CDHR2: variants seen among roughly 807,000 people sequenced by gnomAD.
CDHR2 encodes cadherin related family member 2.
A neutral mutation model predicts 138.6 loss-of-function variants in CDHR2; 104 were observed. That is an observed-to-expected ratio of 0.75 (90% CI 0.64 to 0.88). The LOEUF (loss-of-function observed/expected upper bound fraction) is 0.88. CDHR2 is among the 40% of genes least tolerant of loss of function. The pLI is 0.00. For missense variants in CDHR2, 1,624 were observed against 1,727.6 expected, an observed-to-expected ratio of 0.94 and a Z score of 1.06; for synonymous variants, 755 against 742.8, an observed-to-expected ratio of 1.02 and a Z score of -0.27.
At chr5:176,588,507 G>C (rs1758736256) in intron 21 of CDHR2, among the ~76,000 whole-genome samples, 1 of 132,982 alleles carries the variant, frequency 7.5e-6, no homozygotes, top group Non-Finnish European at 1.6e-5. Context: ...GGGTGTGTAT[G>C]AGTGTGTGCA....
In CDHR2 at chr5:176,589,635, G is replaced by T. The variant is rs189614387; in HGVS notation, c.3206+19G>T. 6.2e-6 allele frequency: 10 copies of T among 1,610,414 alleles called. No individual in the cohort carries two copies. The African/African-American group carries it at 6.7e-5, about 11-fold the overall frequency. ...TTAATGCGTAGGTCTGGGGAGCCCC[G>T]GAGGGAGGGGTAGGAAGAACAGGGT... On this transcript the variant is annotated intron_variant, in intron 24 of 31. Coordinates refer to ENST00000261944, the MANE Select transcript of CDHR2 (RefSeq NM_017675.6).
In CDHR2 at chr5:176,581,391, A is replaced by C; in HGVS notation, c.1867A>C (p.Asn623His). Residue 623 changes from asparagine to histidine, a missense_variant, in exon 17 of 32, where the codon AAC becomes CAC. This residue lies in a region of CDHR2 where 1,061 missense variants were observed against 1,136.6 expected (regional missense o/e 0.93). Transcript: ENST00000261944. ...CACCAACAACAGCCGTCTGCTCTTC[A>C]ACCTGCTGCCTGGCCCCTACAGCCA... ...PGTNNSRLLFNLLPGPYSHNF... is the reference protein window; with the variant it reads ...PGTNNSRLLFHLLPGPYSHNF... 6.2e-7 allele frequency: 1 copy of C among 1,614,034 alleles called. No homozygotes were observed. Among genetic ancestry groups the C allele is most frequent in the Non-Finnish European group, 8.5e-7 (1 of 1,180,004 alleles).
In CDHR2 at chr5:176,590,675, G is replaced by A; in HGVS notation, c.3527G>A (p.Cys1176Tyr). Residue 1176 changes from cysteine (C) to tyrosine (Y), a missense_variant, in exon 28 of 32, where the codon TGT becomes TAT. Coordinates refer to ENST00000261944, the MANE Select transcript of CDHR2 (RefSeq NM_017675.6). ...VLVIMTMAFVCVRKSYNRKLQ... is the reference protein window; with the variant it reads ...VLVIMTMAFVYVRKSYNRKLQ... ...GTGATCATGACCATGGCCTTCGTGT[G>A]TGTGCGGAAGAGGTGCGGCTCCCAT... 6.2e-7 allele frequency: 1 copy of A among 1,613,414 alleles called. No homozygotes were observed. The highest frequency in any genetic ancestry group is 1.1e-5 in the South Asian group (1 of 91,044).
intron 1 of CDHR2, among the ~76,000 whole-genome samples, chr5:176,556,347 T>G (rs902021711): frequency 6.6e-6 from 1 of 151,888 alleles, no homozygotes; most frequent in Non-Finnish European, 1.5e-5. Context: ...CCAGAATGGG[T>G]GACAGAGCAA....
intron 17 of CDHR2, among the ~76,000 whole-genome samples, chr5:176,582,141 C>T (rs985674502): frequency 1.3e-5 from 2 of 152,188 alleles, no homozygotes; most frequent in Non-Finnish European, 2.9e-5. Flanking sequence ...CTGCCTCAGC[C>T]TCCTGAGTAG....
intron 6 of CDHR2, 24 bp from the exon 7 acceptor site, chr5:176,574,059 T>C (rs746006900): frequency 3.4e-5 from 54 of 1,590,318 alleles, no homozygotes; most frequent in Admixed American, 1.7e-4. Flanking sequence ...TTTGAGCTCA[T>C]AGGTGACGAG....
At position 176,590,235 on chromosome 5, in the gene CDHR2, A is replaced by G; in HGVS notation, c.3276-18A>G. The G allele has an allele frequency of 6.2e-7, 1 of 1,614,028 alleles. No individual in the cohort carries two copies. The highest frequency in any genetic ancestry group is 1.7e-5 in the Admixed American group (1 of 60,010). ...GGGTGATCCAGGCTCCTGACTCTTC[A>G]ACTCTGTCCCGCTCCAGGGCCCGAC... On this transcript the variant is annotated intron_variant, in intron 25 of 31. Coordinates refer to ENST00000261944, the MANE Select transcript of CDHR2 (RefSeq NM_017675.6).
chr5:176,578,302 TG>T (rs1758447738), intron 15 of CDHR2, 62 bp from the exon 16 acceptor site: 1 of 1,490,228 alleles, frequency 6.7e-7, no homozygotes, highest in Admixed American at 1.9e-5. Flanking sequence ...GTTGTATATC[TG>T]AAATTCACAC....
rs368524959 is a variant in CDHR2 at position 176,557,179 on chromosome 5, C to T, written c.-16+7765C>T. Among the ~76,000 whole-genome samples, 11 of 110,398 alleles carry T rather than the reference C, an allele frequency of 1.0e-4. No individual in the cohort carries two copies. In the East Asian group the frequency reaches 2.2e-3, roughly 23 times the overall value. 72.4% of individuals were successfully genotyped at this position (110,398 alleles called of 152,430 possible). On this transcript the variant is annotated intron_variant, in intron 1 of 31. Transcript: ENST00000261944. ...CACAGGCATGCACCATGGCGCCTGG[C>T]CTGTTATTTAATAATATTTTGTTGT...
intron 12 of CDHR2, among the ~76,000 whole-genome samples, chr5:176,577,196 G>A (rs1291146480): frequency 2.6e-5 from 4 of 152,130 alleles, no homozygotes; most frequent in Admixed American, 1.3e-4. Context: ...CAGTGCCTAG[G>A]GAGCTGTCTT....
intron 19 of CDHR2, among the ~76,000 whole-genome samples, chr5:176,585,551 T>C (rs1449971348): frequency 6.6e-6 from 1 of 152,172 alleles, no homozygotes; most frequent in African/African-American, 2.4e-5. Context: ...CCAGCTTATA[T>C]AGTTAGAATG....
chr5:176,585,991 T>C lies in CDHR2; in HGVS notation c.2772T>C (p.Asn924=). The change falls in exon 20 of 32, where the codon AAT becomes AAC. Residue 924 remains asparagine, a synonymous_variant. Coordinates refer to ENST00000261944, the MANE Select transcript of CDHR2 (RefSeq NM_017675.6). ...TTACCATTGAGGACGTGAATGACAA[T>C]GCACCCTATTTTCTGCCTGAGAATA... ...LLITIEDVND[N]APYFLPENKT... 7 of 1,614,032 alleles carry C rather than the reference T, an allele frequency of 4.3e-6. No homozygotes were observed. The highest frequency in any genetic ancestry group is 4.5e-5 in the East Asian group (2 of 44,878).
chr5:176,582,127 C>A (rs1758547265), intron 17 of CDHR2, among the ~76,000 whole-genome samples: 1 of 152,186 alleles, frequency 6.6e-6, no homozygotes, highest in East Asian at 1.9e-4. Context: ...CTCAAGCGAT[C>A]CTCCTGCCTC....
chr5:176,574,088 G>A lies in CDHR2; in HGVS notation c.411G>A (p.Leu137=). 6.2e-7 allele frequency: 1 copy of A among 1,613,726 alleles called. No homozygotes were observed. The highest frequency in any genetic ancestry group is 1.1e-5 in the South Asian group (1 of 91,014). Residue 137 remains leucine, a synonymous_variant, in exon 7 of 32, where the codon CTG becomes CTA. Coordinates refer to ENST00000261944, the MANE Select transcript of CDHR2 (RefSeq NM_017675.6). ...TAFSTSINET[L]PVGSVVFSVL... ...TGACGAGTCCCTCCCTGCAGACCCTGCCCGTGGGCAGTGTGGTGTTCTCCG... is the reference window on the plus strand; with the variant it reads ...TGACGAGTCCCTCCCTGCAGACCCTACCCGTGGGCAGTGTGGTGTTCTCCG...
At chr5:176,549,790 G>A (rs1757664404) in intron 1 of CDHR2, among the ~76,000 whole-genome samples, 1 of 152,198 alleles carries the variant, frequency 6.6e-6, no homozygotes, top group Admixed American at 6.5e-5. Flanking sequence ...TCTTACCCCA[G>A]CTGCTCGGTT....
chr5:176,565,654 C>G lies in CDHR2; in HGVS notation c.53-18C>G. 6.2e-7 allele frequency: 1 copy of G among 1,608,568 alleles called. No homozygotes were observed. The stretch of plus-strand genomic sequence containing the variant: ...TTGCAGGGGTGTCCCGATGTTCCAG[C>G]ACACTGTGTCCCTACAGTGGCAGCC... On this transcript the variant is annotated intron_variant, in intron 2 of 31. Coordinates refer to ENST00000261944, the MANE Select transcript of CDHR2 (RefSeq NM_017675.6).
chr5:176,588,012 G>T (rs77371324), intron 21 of CDHR2, among the ~76,000 whole-genome samples: 3 of 152,102 alleles, frequency 2.0e-5, no homozygotes, highest in Non-Finnish European at 2.9e-5. Flanking sequence ...TAACAGTAAC[G>T]TTGGTGAACT....
rs763521657 is a variant in CDHR2, at chr5:176,577,481, C to T, written c.1277C>T (p.Ser426Leu). 2.5e-5 allele frequency: 40 copies of T among 1,611,086 alleles called. 1 individual carries two copies. The highest frequency in any genetic ancestry group is 3.3e-5 in the South Asian group (3 of 90,400). ...GTCTCCCCGGAGCGGGCAGTGGGCT[C>T]AGCCTCCGTTCAGGTGCTGGTGAGA... ...FSVSPERAVG[S>L]ASVQVLVRVS... Residue 426 changes from serine (S) to leucine (L), a missense_variant, in exon 13 of 32, where the codon TCA becomes TTA. Ser to Leu is a moderately radical substitution (Grantham distance 145, BLOSUM62 -2). Transcript: ENST00000261944.
At chr5:176,575,478 G>C (rs1758351262) in intron 9 of CDHR2, 28 bp from the exon 10 acceptor site, 1 of 1,614,042 alleles carries the variant, frequency 6.2e-7, no homozygotes, top group Admixed American at 1.7e-5. Context: ...GGGGAAGTTT[G>C]AGGAGCACTG....
Sources: allele counts gnomAD v4.1 joint callset (sites outside exome capture counted in the v4.1 genomes callset), GRCh38; gene constraint gnomAD v4.1.1; regional missense constraint gnomAD v4.1.1; transcripts MANE v1.5; gene names NCBI Gene and HGNC (gene_info 2026-07-23, HGNC 2026-07-21).